MFHAS1: variants seen among roughly 807,000 people sequenced by gnomAD.
MFHAS1 encodes multifunctional ROCO family signaling regulator 1, also known as malignant fibrous histiocytoma-amplified sequence 1.
MFHAS1 carries 50 observed loss-of-function variants against 70.4 expected under a neutral mutation model. The ratio of observed to expected loss-of-function variants is 0.71; its 90% CI spans 0.57 to 0.90. The LOEUF (loss-of-function observed/expected upper bound fraction) is 0.90, where lower values mean the gene tolerates loss of function less well. MFHAS1 is among the 40% of genes least tolerant of loss of function. The pLI is 0.00. For missense variants in MFHAS1, 1,795 were observed against 1,347.6 expected, an observed-to-expected ratio of 1.33 and a Z score of -5.20; for synonymous variants, 952 against 620.0, an observed-to-expected ratio of 1.54 and a Z score of -7.96.
intron 1 of MFHAS1, among the ~76,000 whole-genome samples, chr8:8,850,161 A>C (rs1049261568): frequency 2.6e-5 from 4 of 152,230 alleles, no homozygotes; most frequent in African/African-American, 9.6e-5. Context: ...ACAGCTATTA[A>C]ACTAGTTAAC....
chr8:8,891,495 G>T lies in MFHAS1; in HGVS notation c.1564C>A (p.Arg522=). The change falls in exon 1 of 3, where the codon CGG becomes AGG. Residue 522 remains arginine, a synonymous_variant. Transcript: ENST00000276282. This position sits in a 1 kb window ranked among gnomAD's most constrained non-coding sequence, Gnocchi z 5.4. ...FPTTVGSFLH[R]VGARVPHAVV... Reference sequence around the variant, plus strand: ...GCGTGGGGCACTCTCGCCCCGACCCGATGCAAGAAGGAGCCCACGGTGGTA... The same window carrying T: ...GCGTGGGGCACTCTCGCCCCGACCCTATGCAAGAAGGAGCCCACGGTGGTA... 5.0e-6 allele frequency: 8 copies of T among 1,613,094 alleles called. No individual in the cohort carries two copies. The highest frequency in any genetic ancestry group is 6.8e-6 in the Non-Finnish European group (8 of 1,180,026).
intron 1 of MFHAS1, among the ~76,000 whole-genome samples, chr8:8,824,087 G>C (rs1280055740): frequency 2.0e-5 from 3 of 151,384 alleles, no homozygotes; most frequent in African/African-American, 7.3e-5. Flanking sequence ...CTGTGAGGCA[G>C]AACTAAATCT....
intron 1 of MFHAS1, among the ~76,000 whole-genome samples, chr8:8,841,268 A>G (rs1183583849): frequency 2.0e-5 from 3 of 152,136 alleles, no homozygotes; most frequent in African/African-American, 7.2e-5. Flanking sequence ...TGCGGTCATG[A>G]GTTTAAGACC....
intron 2 of MFHAS1, among the ~76,000 whole-genome samples, chr8:8,789,646 A>C: frequency 6.6e-6 from 1 of 152,090 alleles, no homozygotes; most frequent in East Asian, 1.9e-4. Flanking sequence ...GTGCTTTCCT[A>C]CTCCGGACCT....
At chr8:8,886,546 A>G (rs1241560447) in intron 1 of MFHAS1, among the ~76,000 whole-genome samples, 1 of 152,210 alleles carries the variant, frequency 6.6e-6, no homozygotes, top group East Asian at 1.9e-4. Flanking sequence ...ACAGTAGGGC[A>G]GCTCAGGCCA....
intron 1 of MFHAS1, among the ~76,000 whole-genome samples, chr8:8,801,631 A>G (rs1806087762): frequency 6.6e-6 from 1 of 152,254 alleles, no homozygotes; most frequent in Admixed American, 6.5e-5. Context: ...CTATCTAGCA[A>G]AACAGAAGCT....
chr8:8,826,659 G>A (rs1407035660), intron 1 of MFHAS1, among the ~76,000 whole-genome samples: 3 of 152,226 alleles, frequency 2.0e-5, no homozygotes, highest in Non-Finnish European at 4.4e-5. Flanking sequence ...CTTGAACCCA[G>A]AAGGTGGAGG....
At chr8:8,786,281 A>C (rs1246191391) in intron 2 of MFHAS1, among the ~76,000 whole-genome samples, 1 of 152,226 alleles carries the variant, frequency 6.6e-6, no homozygotes, top group South Asian at 2.1e-4. Flanking sequence ...TGGTGTGTTA[A>C]GCTCAGTTCA....
chr8:8,802,088 C>A (rs115314328), intron 1 of MFHAS1, among the ~76,000 whole-genome samples: 1 of 152,198 alleles, frequency 6.6e-6, no homozygotes, highest in South Asian at 2.1e-4. Flanking sequence ...ACAGCAGCAA[C>A]TGACATTGAG....
chr8:8,852,184 A>T (rs1300723370), intron 1 of MFHAS1, among the ~76,000 whole-genome samples: 3 of 152,134 alleles, frequency 2.0e-5, no homozygotes, highest in East Asian at 3.8e-4. Context: ...AGTACTTAAA[A>T]CATACCACAA....
rs760032458 is a variant in MFHAS1 at position 8,891,489 on chromosome 8, C to T, written c.1570G>A (p.Gly524Arg). 1.2e-6 allele frequency: 2 copies of T among 1,613,036 alleles called. No homozygotes were observed. Among genetic ancestry groups the T allele is most frequent in the Non-Finnish European group, 1.7e-6 (2 of 1,180,030 alleles). The stretch of plus-strand genomic sequence containing the variant: ...ACCACCGCGTGGGGCACTCTCGCCC[C>T]GACCCGATGCAAGAAGGAGCCCACG... ...TTVGSFLHRV[G>R]ARVPHAVVCI... Residue 524 changes from glycine (G) to arginine (R), a missense_variant, in exon 1 of 3, where the codon GGG (glycine) becomes AGG (arginine). Coordinates refer to ENST00000276282, the MANE Select transcript of MFHAS1 (RefSeq NM_004225.3). This position sits in a 1 kb window ranked among gnomAD's most constrained non-coding sequence, Gnocchi z 5.4.
chr8:8,885,030 A>G (rs1490137160), intron 1 of MFHAS1, among the ~76,000 whole-genome samples: 1 of 152,160 alleles, frequency 6.6e-6, no homozygotes, highest in Non-Finnish European at 1.5e-5. Context: ...GCTCTGCAGA[A>G]GCTACTAAGT....
rs75987029 is a variant in MFHAS1, at chr8:8,864,188, C to T, written c.2998+25873G>A. On this transcript the variant is annotated intron_variant, in intron 1 of 2. Coordinates refer to ENST00000276282, the MANE Select transcript of MFHAS1 (RefSeq NM_004225.3). ...TCTCAGCAGTGATTGGCTTTCTGTGCGGCAAGCAGCAGGACCTAAACCAAA... is the reference window on the plus strand; with the variant it reads ...TCTCAGCAGTGATTGGCTTTCTGTGTGGCAAGCAGCAGGACCTAAACCAAA... 5.0e-3 allele frequency among the ~76,000 whole-genome samples: 767 copies of T among 152,304 alleles called. 4 individuals are homozygous for T. Among genetic ancestry groups the T allele is most frequent in the African/African-American group, 0.018 (737 of 41,558 alleles).
intron 1 of MFHAS1, among the ~76,000 whole-genome samples, chr8:8,834,692 A>C (rs1315504574): frequency 6.6e-6 from 1 of 152,220 alleles, no homozygotes; most frequent in Non-Finnish European, 1.5e-5. Context: ...GAAATTGCCT[A>C]ATGACACATT....
rs565089463 is a variant in MFHAS1, at chr8:8,817,813, C to T, written c.2999-20322G>A. ...AGCATGCAGAATTCACAATAGAGTT[C>T]AAGCTCCTATGAGAACCTAATGTAA... On this transcript the variant is annotated intron_variant, in intron 1 of 2. Transcript: ENST00000276282. Among the ~76,000 whole-genome samples, 3 of 152,142 alleles carry T rather than the reference C, an allele frequency of 2.0e-5. No individual in the cohort carries two copies. In the South Asian group the frequency reaches 6.2e-4, roughly 31 times the overall value.
Position 8,887,003 on chromosome 8 carries a change from T to C in MFHAS1, c.2998+3058A>G, listed in dbSNP as rs1223343330. Reference sequence around the variant, plus strand: ...TTAGCCAGGTGTGGTGGCGCATGCCTCTAATTCCAGCTACTTGGGAGGCTG... The same window carrying C: ...TTAGCCAGGTGTGGTGGCGCATGCCCCTAATTCCAGCTACTTGGGAGGCTG... On this transcript the variant is annotated intron_variant, in intron 1 of 2. Coordinates refer to ENST00000276282, the MANE Select transcript of MFHAS1 (RefSeq NM_004225.3). Among the ~76,000 whole-genome samples, 4 of 152,170 alleles carry C rather than the reference T, an allele frequency of 2.6e-5. 1 individual carries two copies. The highest frequency in any genetic ancestry group is 5.9e-5 in the Non-Finnish European group (4 of 68,028).
rs1300695006 is a variant in MFHAS1, at chr8:8,784,307, C to T, written c.*1715G>A. On this transcript the variant is annotated 3_prime_UTR_variant, in exon 3 of 3. Coordinates refer to ENST00000276282, the MANE Select transcript of MFHAS1 (RefSeq NM_004225.3). ...ATGCACACACACACACACGGAGACG[C>T]GCACACACACACGAGAACTGTGACA... The T allele has an allele frequency of 4.6e-5, 7 of 152,038 alleles. No individual in the cohort carries two copies. Among genetic ancestry groups the T allele is most frequent in the Admixed American group, 3.3e-4 (5 of 15,248 alleles). 9.4% of individuals were successfully genotyped at this position (152,038 alleles called of 1,614,324 possible).
chr8:8,868,115 G>C (rs1808931565), intron 1 of MFHAS1, among the ~76,000 whole-genome samples: 1 of 151,930 alleles, frequency 6.6e-6, no homozygotes, highest in Non-Finnish European at 1.5e-5. Context: ...TCTAGACCAA[G>C]TTCCCAACGC....
intron 1 of MFHAS1, among the ~76,000 whole-genome samples, chr8:8,837,699 C>T (rs972295260): frequency 4.0e-5 from 6 of 150,926 alleles, no homozygotes; most frequent in Non-Finnish European, 7.4e-5. Context: ...TCATTAGGAA[C>T]ATGCAAATTT....
Sources: gnomAD v4.1 joint callset for allele counts (sites outside exome capture counted in the v4.1 genomes callset) on GRCh38, gnomAD v4.1.1 for gene constraint, Gnocchi (gnomAD v3.1) non-coding constraint, MANE v1.5 for transcripts, NCBI Gene and HGNC (gene_info 2026-07-23, HGNC 2026-07-21) for gene names.